Variants in ABTB3 observed in about 807,000 individuals in gnomAD.
ABTB3 encodes the protein ankyrin repeat and BTB domain containing 3.
chr12:107,410,571 T>G, the ABTB3 span, among the ~76,000 whole-genome samples: 730 of 152,266 alleles, frequency 4.8e-3, 13 homozygotes, highest in South Asian at 0.052. Context: ...GTTAAGAGGC[T>G]GTGCAAGGGG....
At chr12:107,633,175 G>C in the ABTB3 span, among the ~76,000 whole-genome samples, 1 of 152,138 alleles carries the variant, frequency 6.6e-6, no homozygotes, top group Non-Finnish European at 1.5e-5. Context: ...ATATTGGGAG[G>C]TGGTGTCTTT....
chr12:107,417,822 C>T, the ABTB3 span, among the ~76,000 whole-genome samples: 2 of 152,242 alleles, frequency 1.3e-5, no homozygotes, highest in Non-Finnish European at 2.9e-5. Context: ...TGTTTAATTC[C>T]TGTGTGCATC....
the ABTB3 span, among the ~76,000 whole-genome samples, chr12:107,395,975 G>A: frequency 0.22 from 32,907 of 152,180 alleles, 3,715 homozygotes; most frequent in Admixed American, 0.29. Context: ...CAGGGAGGGA[G>A]TGCTGAAGGT....
chr12:107,549,942 C>T, the ABTB3 span, among the ~76,000 whole-genome samples: 1 of 152,180 alleles, frequency 6.6e-6, no homozygotes, highest in Non-Finnish European at 1.5e-5. Context: ...GGGCACCTTG[C>T]ACAATCACCC....
At chr12:107,560,557 C>G in the ABTB3 span, among the ~76,000 whole-genome samples, 6 of 152,194 alleles carry the variant, frequency 3.9e-5, no homozygotes, top group African/African-American at 1.4e-4. Context: ...GGATCTCCCT[C>G]TATTCTCACA....
the ABTB3 span, among the ~76,000 whole-genome samples, chr12:107,627,910 G>A: frequency 1.8e-4 from 28 of 152,184 alleles, no homozygotes; most frequent in African/African-American, 6.8e-4. Flanking sequence ...TACCATAAGT[G>A]GATACCCTAC....
the ABTB3 span, among the ~76,000 whole-genome samples, chr12:107,475,533 C>T: frequency 6.6e-6 from 1 of 152,188 alleles, no homozygotes; most frequent in African/African-American, 2.4e-5. Context: ...CCACACAGCT[C>T]ACAGAGGAGT....
the ABTB3 span, among the ~76,000 whole-genome samples, chr12:107,401,339 G>A: frequency 6.6e-6 from 1 of 152,186 alleles, no homozygotes; most frequent in Non-Finnish European, 1.5e-5. Flanking sequence ...TGTCTTTTCG[G>A]ATGTCAGACT....
the ABTB3 span, among the ~76,000 whole-genome samples, chr12:107,547,841 T>C: frequency 6.6e-6 from 1 of 152,306 alleles, no homozygotes; most frequent in South Asian, 2.1e-4. Context: ...AATTAGACAT[T>C]GTAGCTAAGA....
chr12:107,387,598 G>C, the ABTB3 span, among the ~76,000 whole-genome samples: 3 of 152,194 alleles, frequency 2.0e-5, no homozygotes, highest in Admixed American at 2.0e-4. Flanking sequence ...AAGAAGAGGG[G>C]CAGAGTAGTT....
At chr12:107,649,466 G>A in the ABTB3 span, 1 of 578,800 alleles carries the variant, frequency 1.7e-6, no homozygotes, top group Non-Finnish European at 3.1e-6. Flanking sequence ...TCTCATCAGA[G>A]ACCTTCCCTG....
chr12:107,323,177 A>G, the ABTB3 span, among the ~76,000 whole-genome samples: 456 of 152,280 alleles, frequency 3.0e-3, 1 homozygote, highest in Middle Eastern at 0.014. Flanking sequence ...AAGGGGTCTC[A>G]CTATGTTGCC....
the ABTB3 span, among the ~76,000 whole-genome samples, chr12:107,430,222 G>T: frequency 6.6e-6 from 1 of 152,058 alleles, no homozygotes; most frequent in Admixed American, 6.5e-5. Flanking sequence ...AAATCATAAT[G>T]TATTTACCCA....
chr12:107,350,912 C>T, the ABTB3 span, among the ~76,000 whole-genome samples: 2 of 152,102 alleles, frequency 1.3e-5, no homozygotes, highest in Non-Finnish European at 2.9e-5. Context: ...ATCCTGGAGT[C>T]CTCTTGGTTG....
chr12:107,508,453 T>TGTTTTTTTTTG, the ABTB3 span, among the ~76,000 whole-genome samples: 2 of 123,364 alleles, frequency 1.6e-5, no homozygotes, highest in East Asian at 2.6e-4. Context: ...TTTTTTTTTT[T>TGTTTTTTTTTG]TTTTTTTTTT....
chr12:107,494,928 G>A, the ABTB3 span, among the ~76,000 whole-genome samples: 1 of 152,192 alleles, frequency 6.6e-6, no homozygotes, highest in Non-Finnish European at 1.5e-5. Flanking sequence ...TGCAAAACAG[G>A]CCTTTTAAAC....
At chr12:107,387,142 T>C in the ABTB3 span, among the ~76,000 whole-genome samples, 1 of 152,018 alleles carries the variant, frequency 6.6e-6, no homozygotes, top group South Asian at 2.1e-4. Context: ...CACGCCCAGC[T>C]AATTTTTGTA....
chr12:107,444,952 C>T, the ABTB3 span, among the ~76,000 whole-genome samples: 2 of 152,180 alleles, frequency 1.3e-5, no homozygotes, highest in East Asian at 1.9e-4. Flanking sequence ...CTGTGATATG[C>T]GGCGGGGCCA....
chr12:107,609,397 T>G, the ABTB3 span, among the ~76,000 whole-genome samples: 1 of 152,202 alleles, frequency 6.6e-6, no homozygotes, highest in African/African-American at 2.4e-5. Flanking sequence ...TTCCATTGAT[T>G]CTCCTCCCCA....
Sources: gnomAD v4.1 joint callset for allele counts (sites outside exome capture counted in the v4.1 genomes callset) on GRCh38, gnomAD v4.1.1 for gene constraint, MANE v1.5 for transcripts, NCBI Gene and HGNC (gene_info 2026-07-23, HGNC 2026-07-21) for gene names.